The following TLN2 variants were observed in gnomAD, a reference collection of about 807,000 sequenced individuals.
The protein encoded by TLN2 is talin-2.
A neutral mutation model predicts 294.7 loss-of-function variants in TLN2; 118 were observed. The ratio of observed to expected loss-of-function variants is 0.40; its 90% CI spans 0.34 to 0.47. The LOEUF (loss-of-function observed/expected upper bound fraction) is 0.47. TLN2 is among the 20% of genes least tolerant of loss of function. TLN2 has a pLI of 0.84. For synonymous variants in TLN2, 1,431 were observed against 1,304.5 expected (o/e 1.10, Z -2.09); for missense variants, 3,083 against 3,282.2 (o/e 0.94, Z 1.48).
At chr15:62,528,010 C>G (rs2040832098) in intron 1 of TLN2, among the ~76,000 whole-genome samples, 1 of 152,096 alleles carries the variant, frequency 6.6e-6, no homozygotes, top group South Asian at 2.1e-4. Context: ...ATGACTTACC[C>G]TGGAGATAAC....
intron 1 of TLN2, among the ~76,000 whole-genome samples, chr15:62,458,609 A>AAAAAG (rs1475850208): frequency 6.6e-6 from 1 of 150,826 alleles, no homozygotes; most frequent in African/African-American, 2.4e-5. Flanking sequence ...CTACAGAAAA[A>AAAAAG]AAAAAAAAAT....
chr15:62,834,749 C>T (rs1026066829), intron 55 of TLN2: 2 of 151,982 alleles, frequency 1.3e-5, no homozygotes, highest in Non-Finnish European at 2.9e-5. Context: ...GGCTGGTCAA[C>T]ATGTAAAGAT....
intron 1 of TLN2, among the ~76,000 whole-genome samples, chr15:62,491,080 G>A (rs2038679556): frequency 6.6e-6 from 1 of 152,164 alleles, no homozygotes; most frequent in African/African-American, 2.4e-5. Context: ...CCAGCACTGT[G>A]GGAGGCCGAG....
intron 1 of TLN2, among the ~76,000 whole-genome samples, chr15:62,582,456 A>G (rs2045215582): frequency 6.6e-6 from 1 of 152,240 alleles, no homozygotes; most frequent in Non-Finnish European, 1.5e-5. Flanking sequence ...CGAAATACAG[A>G]CATGTAAATA....
chr15:62,582,086 T>C (rs949466902), intron 1 of TLN2, among the ~76,000 whole-genome samples: 1 of 151,230 alleles, frequency 6.6e-6, no homozygotes, highest in African/African-American at 2.4e-5. Flanking sequence ...AATGGTGGAC[T>C]AATCACTGGG....
intron 40 of TLN2, among the ~76,000 whole-genome samples, chr15:62,764,542 C>A (rs1184447857): frequency 6.6e-6 from 1 of 152,116 alleles, no homozygotes; most frequent in African/African-American, 2.4e-5. Context: ...GTGTGGGATG[C>A]CAGAATTATT....
chr15:62,447,106 G>A (rs964679085), intron 1 of TLN2, among the ~76,000 whole-genome samples: 1 of 152,264 alleles, frequency 6.6e-6, no homozygotes, highest in South Asian at 2.1e-4. Flanking sequence ...CATAATGAAC[G>A]CATAGCTGCA....
intron 1 of TLN2, among the ~76,000 whole-genome samples, chr15:62,587,300 T>C (rs982613997): frequency 2.6e-5 from 4 of 152,238 alleles, no homozygotes; most frequent in African/African-American, 9.7e-5. Flanking sequence ...GTAGCTCCAT[T>C]GTATTCTTTA....
chr15:62,783,707 T>A, intron 44 of TLN2, 64 bp from the exon 45 acceptor site: 1 of 1,484,164 alleles, frequency 6.7e-7, no homozygotes, highest in Non-Finnish European at 9.0e-7. Context: ...CACATGGTTC[T>A]CATGCGTTTC....
In TLN2 at chr15:62,738,327, G is replaced by A. The variant is rs745963627; in HGVS notation, c.3681G>A (p.Val1227=). Residue 1227 remains valine (V), a synonymous_variant, in exon 30 of 59, where the codon GTG becomes GTA. Transcript: ENST00000636159. ...GGGAGTCCAGCAAGAAGCTGCTTGT[G>A]GATTCGGTGAGAGGTTCTTAGATTG... ...SIGESSKKLL[V]DSLPPSTKPF... The A allele has an allele frequency of 1.9e-6, 3 of 1,613,970 alleles. No homozygotes were observed. The highest frequency in any genetic ancestry group is 1.1e-5 in the South Asian group (1 of 91,002).
intron 54 of TLN2, chr15:62,832,446 AC>A (rs5813177): frequency 0.97 from 147,297 of 152,206 alleles, 71,433 homozygotes; most frequent in East Asian, 1. Flanking sequence ...TAATCTGACC[AC>A]CCCCCGGCAA....
At position 62,776,827 on chromosome 15, in the gene TLN2, A is replaced by G. The variant is rs2063749604; in HGVS notation, c.5431A>G (p.Ile1811Val). 6.2e-7 allele frequency: 1 copy of G among 1,601,516 alleles called. No individual in the cohort carries two copies. Among genetic ancestry groups the G allele is most frequent in the Non-Finnish European group, 8.5e-7 (1 of 1,173,680 alleles). The change falls in exon 43 of 59, where the codon ATC becomes GTC. Residue 1811 changes from isoleucine to valine, a missense_variant. Coordinates refer to ENST00000636159, the MANE Select transcript of TLN2 (RefSeq NM_015059.3). ...GTTGATGAAGGAAGCCGTGGATGAC[A>G]TCATGGTGACGCTGAACGAAGCTGC... ...AQLMKEAVDD[I>V]MVTLNEAASE...
intron 1 of TLN2, among the ~76,000 whole-genome samples, chr15:62,399,258 A>AAAAC (rs2032821246): frequency 7.0e-6 from 1 of 143,268 alleles, no homozygotes; most frequent in Non-Finnish European, 1.5e-5. Context: ...GTCTCAAACA[A>AAAAC]AAAAAAAAAA....
chr15:62,422,660 C>G (rs1278777857), intron 1 of TLN2, among the ~76,000 whole-genome samples: 1 of 152,166 alleles, frequency 6.6e-6, no homozygotes, highest in Non-Finnish European at 1.5e-5. Flanking sequence ...TCCTGGCACT[C>G]CAGCAGCAAT....
At chr15:62,456,405 A>G (rs959175953) in intron 1 of TLN2, among the ~76,000 whole-genome samples, 7 of 152,028 alleles carry the variant, frequency 4.6e-5, no homozygotes, top group African/African-American at 1.7e-4. Context: ...AGTCCTCCCC[A>G]CCGTTTAAAA....
chr15:62,584,389 G>A (rs2045409092), intron 1 of TLN2, among the ~76,000 whole-genome samples: 2 of 152,166 alleles, frequency 1.3e-5, no homozygotes. Context: ...AATACAAAAG[G>A]ATTTCTGGGG....
chr15:62,684,260 A>G (rs1003253701), intron 11 of TLN2, among the ~76,000 whole-genome samples: 1 of 152,192 alleles, frequency 6.6e-6, no homozygotes, highest in Non-Finnish European at 1.5e-5. Flanking sequence ...GGAAAGAATG[A>G]AGGAAGCAGC....
At chr15:62,777,296 G>C (rs1044063805) in intron 43 of TLN2, among the ~76,000 whole-genome samples, 4 of 152,084 alleles carry the variant, frequency 2.6e-5, no homozygotes, top group African/African-American at 9.7e-5. Flanking sequence ...CAGCACTTTG[G>C]GAGGCCAAGG....
chr15:62,736,278 C>G (rs994562007), intron 28 of TLN2, among the ~76,000 whole-genome samples: 8 of 151,492 alleles, frequency 5.3e-5, no homozygotes, highest in Admixed American at 3.9e-4. Flanking sequence ...CAAGATCGCG[C>G]CACTGCACTC....
Sources: allele counts gnomAD v4.1 joint callset (sites outside exome capture counted in the v4.1 genomes callset), GRCh38; gene constraint gnomAD v4.1.1; transcripts MANE v1.5; gene names NCBI Gene and HGNC (gene_info 2026-07-23, HGNC 2026-07-21).